The following KHDC1 variants were observed in gnomAD, a reference collection of about 807,000 sequenced individuals.
The protein encoded by KHDC1 is KH homology domain-containing protein 1.
A neutral mutation model predicts 24.7 loss-of-function variants in KHDC1; 21 were observed. That is an observed-to-expected ratio of 0.85 (90% CI 0.60 to 1.23). The LOEUF is 1.23. Among genes scored for constraint, KHDC1 ranks in the 50% most tolerant of loss-of-function variants. KHDC1 has a pLI of 0.00. For synonymous variants in KHDC1, 98 were observed against 111.7 expected, an observed-to-expected ratio of 0.88 and a Z score of 0.77; for missense variants, 274 against 298.5, an observed-to-expected ratio of 0.92 and a Z score of 0.61.
At chr6:73,242,456 T>C in exon 3 of KHDC1, 1 of 1,614,148 alleles carries the variant, frequency 6.2e-7, no homozygotes, top group Non-Finnish European at 8.5e-7. Flanking sequence ...CATTGGTGCA[T>C]GAAAGTTTTG....
intron 2 of KHDC1, among the ~76,000 whole-genome samples, chr6:73,254,254 A>G (rs1766837053): frequency 6.6e-6 from 1 of 151,716 alleles, no homozygotes; most frequent in South Asian, 2.1e-4. Flanking sequence ...TGATGTCAGG[A>G]GTTTAAGACC....
At chr6:73,298,542 T>TCTC (rs1224078823) in intron 1 of KHDC1, among the ~76,000 whole-genome samples, 1 of 141,680 alleles carries the variant, frequency 7.1e-6, no homozygotes, top group Non-Finnish European at 1.5e-5. Context: ...TTCAAGCAAT[T>TCTC]CTCCTGCCTC....
At chr6:73,256,475 C>T (rs1185073685) in intron 2 of KHDC1, among the ~76,000 whole-genome samples, 1 of 152,150 alleles carries the variant, frequency 6.6e-6, no homozygotes, top group African/African-American at 2.4e-5. Flanking sequence ...AGACATAAGC[C>T]AGTCAGGGAG....
intron 3 of KHDC1, 73 bp from the exon 3 acceptor site, chr6:73,242,310 GTAGGAATA>G: frequency 6.2e-7 from 1 of 1,604,828 alleles, no homozygotes; most frequent in Middle Eastern, 1.8e-4. Flanking sequence ...GGCCTTCAGG[GTAGGAATA>G]TGTGACTGAT....
rs772727297 is a variant in KHDC1, at chr6:73,283,342, AAAG to A, written c.206+8653_206+8655del. On this transcript the variant is annotated intron_variant, in intron 2 of 4. Coordinates refer to ENST00000370384, the Ensembl canonical transcript of KHDC1. The stretch of plus-strand genomic sequence containing the variant: ...AGTGTTACTAGTTTTTTTTTTTTAA[AAAG>A]AAGCAGCTTGTGGTTTTGTTTATCC... 7.9e-5 allele frequency among the ~76,000 whole-genome samples: 12 copies of A among 151,882 alleles called. No homozygotes were observed. The East Asian group carries it at 1.7e-3, about 22-fold the overall frequency.
At chr6:73,284,989 C>T (rs910012103) in intron 2 of KHDC1, among the ~76,000 whole-genome samples, 5 of 151,900 alleles carry the variant, frequency 3.3e-5, no homozygotes, top group East Asian at 1.9e-4. Context: ...GGATTACTGG[C>T]GCATGCCACC....
chr6:73,249,632 G>A (rs1296936940), intron 2 of KHDC1, among the ~76,000 whole-genome samples: 2 of 152,172 alleles, frequency 1.3e-5, no homozygotes, highest in African/African-American at 2.4e-5. Context: ...GAGGAGCCCT[G>A]GTGCTCTTAG....
chr6:73,304,047 C>T (rs1332776837), intron 1 of KHDC1, among the ~76,000 whole-genome samples: 6 of 151,960 alleles, frequency 3.9e-5, no homozygotes, highest in Admixed American at 3.9e-4. Flanking sequence ...GGCGTGGTGG[C>T]AGGCATCTGT....
At chr6:73,262,108 A>G (rs1737212034) in intron 2 of KHDC1, among the ~76,000 whole-genome samples, 1 of 151,296 alleles carries the variant, frequency 6.6e-6, no homozygotes, top group South Asian at 2.1e-4. Flanking sequence ...CTCTAGGGCC[A>G]AATTGATGTG....
chr6:73,245,555 C>G (rs1242427362), intron 2 of KHDC1, among the ~76,000 whole-genome samples: 2 of 152,264 alleles, frequency 1.3e-5, no homozygotes, highest in African/African-American at 4.8e-5. Flanking sequence ...GGAGGAGTTG[C>G]TATTGCCATC....
Position 73,261,420 on chromosome 6 carries a change from C to G in KHDC1, c.207-18890G>C, listed in dbSNP as rs534946848. The stretch of plus-strand genomic sequence containing the variant: ...ATCACGCCACTGCCTGGTGACAGAG[C>G]TAGACTCTGTCTCAAAAAATAAATA... On this transcript the variant is annotated intron_variant, in intron 2 of 4. Coordinates refer to ENST00000370384, the Ensembl canonical transcript of KHDC1. 9.2e-5 allele frequency among the ~76,000 whole-genome samples: 14 copies of G among 151,718 alleles called. 1 individual carries two copies. The South Asian group carries it at 2.9e-3, about 32-fold the overall frequency.
At chr6:73,285,336 T>C (rs1278113691) in intron 2 of KHDC1, among the ~76,000 whole-genome samples, 1 of 145,618 alleles carries the variant, frequency 6.9e-6, no homozygotes, top group African/African-American at 2.5e-5. Flanking sequence ...TGACTCTTCT[T>C]TTTTTTTTTT....
intron 2 of KHDC1, among the ~76,000 whole-genome samples, chr6:73,290,077 G>A (rs1472971366): frequency 8.7e-5 from 12 of 137,276 alleles, no homozygotes; most frequent in Non-Finnish European, 1.5e-4. Flanking sequence ...TCCGCAGTCC[G>A]GCCTGGGCAA....
In KHDC1 at chr6:73,278,098, G is replaced by A. The variant is rs552487595; in HGVS notation, c.206+13900C>T. 5.9e-5 allele frequency among the ~76,000 whole-genome samples: 8 copies of A among 134,558 alleles called. No homozygotes were observed. The South Asian group carries it at 7.8e-4, about 13-fold the overall frequency. The allele number at this position is 134,558 out of a possible 152,430, so 88.3% of individuals were successfully genotyped here. A position where few individuals can be genotyped will look rare whatever the true frequency, so the allele number is the denominator to read the frequency against. Reference sequence around the variant, plus strand: ...GCGATCTCAGCTCACTGCGACCTCCGCCTCCCGGGTTCAAGCGATTCTCCT... The same window carrying A: ...GCGATCTCAGCTCACTGCGACCTCCACCTCCCGGGTTCAAGCGATTCTCCT... On this transcript the variant is annotated intron_variant, in intron 2 of 4. Coordinates refer to ENST00000370384, the Ensembl canonical transcript of KHDC1.
chr6:73,273,768 G>A (rs990130127), intron 2 of KHDC1, among the ~76,000 whole-genome samples: 5 of 151,872 alleles, frequency 3.3e-5, no homozygotes, highest in Non-Finnish European at 7.4e-5. Context: ...GCAGTGAGCC[G>A]AGATCACGCC....
chr6:73,299,791 G>T (rs1266539384), intron 1 of KHDC1: 1 of 152,224 alleles, frequency 6.6e-6, no homozygotes, highest in Non-Finnish European at 1.5e-5. Context: ...TACAGATCAG[G>T]TTTTCAATGA....
intron 2 of KHDC1, among the ~76,000 whole-genome samples, chr6:73,267,086 A>G (rs986004832): frequency 6.6e-6 from 1 of 152,256 alleles, no homozygotes; most frequent in African/African-American, 2.4e-5. Context: ...ACAAATGGCC[A>G]ATAAGAACAT....
At chr6:73,259,348 C>T (rs947714145) in intron 2 of KHDC1, among the ~76,000 whole-genome samples, 3 of 128,682 alleles carry the variant, frequency 2.3e-5, no homozygotes, top group African/African-American at 9.1e-5. Context: ...AGTGCAGTGG[C>T]TATTCATAGG....
At chr6:73,262,565 C>T (rs565020475) in intron 2 of KHDC1, among the ~76,000 whole-genome samples, 1 of 151,000 alleles carries the variant, frequency 6.6e-6, no homozygotes, top group South Asian at 2.1e-4. Flanking sequence ...CAACAAAACC[C>T]GTGTTTCTTT....
Sources: gnomAD v4.1 joint callset for allele counts (sites outside exome capture counted in the v4.1 genomes callset) on GRCh38, gnomAD v4.1.1 for gene constraint, MANE v1.5 for transcripts, NCBI Gene and HGNC (gene_info 2026-07-23, HGNC 2026-07-21) for gene names.